The following BHLHA9 variants were observed in gnomAD, a reference collection of about 807,000 sequenced individuals.
BHLHA9 encodes class A basic helix-loop-helix protein 9.
For synonymous variants in BHLHA9, 177 were observed against 179.7 expected (o/e 0.98, Z 0.12); for missense variants, 344 against 365.9 (o/e 0.94, Z 0.49).
Position 1,270,908 on chromosome 17 carries a change from C to G in BHLHA9, c.345C>G (p.Ala115=), listed in dbSNP as rs1443338948. 4.3e-5 allele frequency: 61 copies of G among 1,423,598 alleles called. No individual in the cohort carries two copies. The highest frequency in any genetic ancestry group is 5.3e-5 in the Non-Finnish European group (58 of 1,090,094). 88.2% of individuals were successfully genotyped at this position (1,423,598 alleles called of 1,614,324 possible). A position where few individuals can be genotyped will look rare whatever the true frequency, so the allele number is the denominator to read the frequency against. ...TGCGCAGGGCCATCCACCGCATCGC[C>G]GCGCTCTCCCTGGTCCTGCGCGCCA... is the stretch of plus-strand genomic sequence containing the variant. ...ATLRRAIHRI[A]ALSLVLRASP... Residue 115 remains alanine (A), a synonymous_variant, in exon 1 of 1, where the codon GCC becomes GCG. Transcript: ENST00000391429.
chr17:1,270,480 G>GCCCCGC lies in BHLHA9; in HGVS notation c.-84_-83insCCCCGC. 1.3e-6 allele frequency: 1 copy of GCCCCGC among 786,552 alleles called. No individual in the cohort carries two copies. Among genetic ancestry groups the GCCCCGC allele is most frequent in the Non-Finnish European group, 1.7e-6 (1 of 579,184 alleles). 48.7% of individuals were successfully genotyped at this position (786,552 alleles called of 1,614,324 possible). A position where few individuals can be genotyped will look rare whatever the true frequency, so the allele number is the denominator to read the frequency against. ...GCCCCAGGAGCCGGGGACCGTCCGCGTCGCGAGCCGGGCCAAGGCAGTGGG... is the reference window on the plus strand; with the variant it reads ...GCCCCAGGAGCCGGGGACCGTCCGCGCCCCGCTCGCGAGCCGGGCCAAGGCAGTGGG... On this transcript the variant is annotated 5_prime_UTR_variant, in exon 1 of 1. Coordinates refer to ENST00000391429, the MANE Select transcript of BHLHA9 (RefSeq NM_001164405.2).
Position 1,271,269 on chromosome 17 carries a change from T to G in BHLHA9, c.706T>G (p.Ter236GlyextTer19). The change falls in exon 1 of 1, where the codon TGA becomes GGA. Residue 236 changes from the stop codon to glycine (G), a stop_lost. Transcript: ENST00000391429. ...CCCCGGGATGGGCCATCCGCGCTCC[T>G]GACCGGCCTCGAGGCACCGGCTGGG... ...SAPGMGHPRS[*>G] 1 of 1,250,300 alleles carries G rather than the reference T, an allele frequency of 8.0e-7. No individual in the cohort carries two copies. Among genetic ancestry groups the G allele is most frequent in the Non-Finnish European group, 1.0e-6 (1 of 989,702 alleles). 77.5% of individuals were successfully genotyped at this position (1,250,300 alleles called of 1,614,324 possible).
rs1413443264 is a variant in BHLHA9 at position 1,271,128 on chromosome 17, A to C, written c.565A>C (p.Ser189Arg). The C allele has an allele frequency of 8.1e-7, 1 of 1,234,028 alleles. No homozygotes were observed. The highest frequency in any genetic ancestry group is 3.2e-5 in the East Asian group (1 of 31,314). The allele number at this position is 1,234,028 out of a possible 1,614,324, so 76.4% of individuals were successfully genotyped here. ...CCCGCACGCGCCCCTGGCACGGCCC[A>C]GTGCGGTGGCCGAGGGGCCGGGCCT... The part of the protein sequence containing the change: ...CPPHAPLARP[S>R]AVAEGPGLAQ... The change falls in exon 1 of 1, where the codon AGT (serine) becomes CGT (arginine). Residue 189 changes from serine (S) to arginine (R), a missense_variant. Physicochemically the swap from Ser to Arg is moderately radical, Grantham distance 110 (BLOSUM62 -1). Transcript: ENST00000391429.
In BHLHA9 at chr17:1,271,347, C is replaced by T; in HGVS notation, c.*76C>T. The T allele has an allele frequency of 9.9e-7, 1 of 1,012,452 alleles. No individual in the cohort carries two copies. The highest frequency in any genetic ancestry group is 5.1e-5 in the South Asian group (1 of 19,654). 62.7% of individuals were successfully genotyped at this position (1,012,452 alleles called of 1,614,324 possible). A position where few individuals can be genotyped will look rare whatever the true frequency, so the allele number is the denominator to read the frequency against. On this transcript the variant is annotated 3_prime_UTR_variant, in exon 1 of 1. Transcript: ENST00000391429. ...ACTATAAAACCCGGGACTGCAAAGG[C>T]GTCTTGGACAGAGCAGAACTGGACC...
rs760142085 is a variant in BHLHA9 at position 1,271,663 on chromosome 17, G to T, written c.*392G>T. Among the ~76,000 whole-genome samples, 8 of 152,250 alleles carry T rather than the reference G, an allele frequency of 5.3e-5. No homozygotes were observed. The highest frequency in any genetic ancestry group is 1.2e-4 in the Non-Finnish European group (8 of 68,044). The stretch of plus-strand genomic sequence containing the variant: ...GGGCTTTGAGGCAGGAGGTGTGGGA[G>T]CGTGGGAATGCGGGTGGGGCCTGCT... On this transcript the variant is annotated 3_prime_UTR_variant, in exon 1 of 1. Coordinates refer to ENST00000391429, the MANE Select transcript of BHLHA9 (RefSeq NM_001164405.2).
In BHLHA9 at chr17:1,271,139, C is replaced by T. The variant is rs369764542; in HGVS notation, c.576C>T (p.Ala192=). Residue 192 remains alanine (A), a synonymous_variant, in exon 1 of 1, where the codon GCC becomes GCT. Transcript: ENST00000391429. ...CCCTGGCACGGCCCAGTGCGGTGGC[C>T]GAGGGGCCGGGCCTAGCACAGGCCT... The part of the protein sequence containing the change: ...HAPLARPSAV[A]EGPGLAQASG... 2.0e-4 allele frequency: 248 copies of T among 1,234,800 alleles called. 3 individuals are homozygous for T. In the South Asian group the frequency reaches 4.9e-3, roughly 24 times the overall value. 76.5% of individuals were successfully genotyped at this position (1,234,800 alleles called of 1,614,324 possible).
Position 1,271,079 on chromosome 17 carries a change from C to T in BHLHA9, c.516C>T (p.Ser172=). The T allele has an allele frequency of 8.2e-7, 1 of 1,216,948 alleles. No individual in the cohort carries two copies. Among genetic ancestry groups the T allele is most frequent in the Non-Finnish European group, 1.0e-6 (1 of 980,980 alleles). 75.4% of individuals were successfully genotyped at this position (1,216,948 alleles called of 1,614,324 possible). Residue 172 remains serine (S), a synonymous_variant, in exon 1 of 1, where the codon TCC becomes TCT. Transcript: ENST00000391429. Reference sequence around the variant, plus strand: ...ACGCCGCCCGCCCCTCGGTGCCGTCCGCGCCCCGCTGCGCCTCGTGCCCCC... The same window carrying T: ...ACGCCGCCCGCCCCTCGGTGCCGTCTGCGCCCCGCTGCGCCTCGTGCCCCC... ...RPDAARPSVP[S]APRCASCPPH... is the part of the protein sequence containing the mutation.
chr17:1,270,461 G>A lies in BHLHA9; in HGVS notation c.-103G>A, dbSNP rs1448202301. On this transcript the variant is annotated 5_prime_UTR_variant, in exon 1 of 1. Transcript: ENST00000391429. ...CCTGTCTCGGGAGTGTCCAGCCCCA[G>A]GAGCCGGGGACCGTCCGCGTCGCGA... 1.3e-4 allele frequency: 79 copies of A among 605,252 alleles called. No individual in the cohort carries two copies. The East Asian group carries it at 2.7e-3, about 21-fold the overall frequency. 37.5% of individuals were successfully genotyped at this position (605,252 alleles called of 1,614,324 possible). A position where few individuals can be genotyped will look rare whatever the true frequency, so the allele number is the denominator to read the frequency against.
rs1186853172 is a variant in BHLHA9, at chr17:1,271,710, T to G, written c.*439T>G. Among the ~76,000 whole-genome samples, 1 of 152,030 alleles carries G rather than the reference T, an allele frequency of 6.6e-6. No homozygotes were observed. Among genetic ancestry groups the G allele is most frequent in the African/African-American group, 2.4e-5 (1 of 41,392 alleles). On this transcript the variant is annotated 3_prime_UTR_variant, in exon 1 of 1. Transcript: ENST00000391429. ...TGCTGTGGTCTCGTGGGCACATGAGTGCGGAGTCCCCTTCCCTGCCTGCGC... is the reference window on the plus strand; with the variant it reads ...TGCTGTGGTCTCGTGGGCACATGAGGGCGGAGTCCCCTTCCCTGCCTGCGC...
At position 1,270,735 on chromosome 17, in the gene BHLHA9, G is replaced by A. The variant is rs757482734; in HGVS notation, c.172G>A (p.Ala58Thr). Residue 58 changes from alanine (A) to threonine (T), a missense_variant, in exon 1 of 1, where the codon GCG becomes ACG. Transcript: ENST00000391429. Reference protein sequence around the residue: ...EAEEPAGRRRARPVRSKARRM... With the variant: ...EAEEPAGRRRTRPVRSKARRM... ...GGAGGAGCCGGCGGGCAGGAGGCGCGCGCGGCCGGTGCGGTCCAAGGCGCG... is the reference window on the plus strand; with the variant it reads ...GGAGGAGCCGGCGGGCAGGAGGCGCACGCGGCCGGTGCGGTCCAAGGCGCG... The A allele has an allele frequency of 2.9e-6, 4 of 1,362,324 alleles. No homozygotes were observed. In the African/African-American group the frequency reaches 4.6e-5, roughly 16 times the overall value. 84.4% of individuals were successfully genotyped at this position (1,362,324 alleles called of 1,614,324 possible).
Position 1,270,822 on chromosome 17 carries a change from G to A in BHLHA9, c.259G>A (p.Ala87Thr). ...RILDYNEAFN[A>T]LRRALRHDLG... is the part of the protein sequence containing the mutation. ...CCTAGACTACAACGAGGCCTTCAAC[G>A]CGCTGCGCCGGGCGCTGCGGCACGA... Residue 87 changes from alanine to threonine, a missense_variant, in exon 1 of 1, where the codon GCG (alanine) becomes ACG (threonine). Transcript: ENST00000391429. The A allele has an allele frequency of 6.8e-7, 1 of 1,476,458 alleles. No homozygotes were observed. The allele number at this position is 1,476,458 out of a possible 1,614,324, so 91.5% of individuals were successfully genotyped here. A position where few individuals can be genotyped will look rare whatever the true frequency, so the allele number is the denominator to read the frequency against.
Position 1,270,691 on chromosome 17 carries a change from C to T in BHLHA9, c.128C>T (p.Ser43Phe). ...GGGGTGCTGGGGGCGAACGGCGCTT[C>T]CTGCAGCCGGGGCGAGGCGGAGGAG... ...DSGVLGANGA[S>F]CSRGEAEEPA... Residue 43 changes from serine (S) to phenylalanine (F), a missense_variant, in exon 1 of 1, where the codon TCC (serine) becomes TTC (phenylalanine). Physicochemically the swap from Ser to Phe is radical, Grantham distance 155. Coordinates refer to ENST00000391429, the MANE Select transcript of BHLHA9 (RefSeq NM_001164405.2). 1 of 1,325,242 alleles carries T rather than the reference C, an allele frequency of 7.5e-7. No individual in the cohort carries two copies. Among genetic ancestry groups the T allele is most frequent in the Non-Finnish European group, 9.6e-7 (1 of 1,046,710 alleles). The allele number at this position is 1,325,242 out of a possible 1,614,324, so 82.1% of individuals were successfully genotyped here.
chr17:1,271,072 T>G lies in BHLHA9; in HGVS notation c.509T>G (p.Val170Gly). ...CGCCCAGACGCCGCCCGCCCCTCGG[T>G]GCCGTCCGCGCCCCGCTGCGCCTCG... is the stretch of plus-strand genomic sequence containing the variant. ...LARPDAARPS[V>G]PSAPRCASCP... is the part of the protein sequence containing the mutation. Residue 170 changes from valine (V) to glycine (G), a missense_variant, in exon 1 of 1, where the codon GTG (valine) becomes GGG (glycine). Physicochemically the swap from Val to Gly is moderately radical, Grantham distance 109. Coordinates refer to ENST00000391429, the MANE Select transcript of BHLHA9 (RefSeq NM_001164405.2). The G allele has an allele frequency of 2.5e-6, 3 of 1,208,912 alleles. No homozygotes were observed. Among genetic ancestry groups the G allele is most frequent in the Non-Finnish European group, 3.1e-6 (3 of 976,216 alleles). 74.9% of individuals were successfully genotyped at this position (1,208,912 alleles called of 1,614,324 possible). A position where few individuals can be genotyped will look rare whatever the true frequency, so the allele number is the denominator to read the frequency against.
Position 1,271,561 on chromosome 17 carries a change from G to T in BHLHA9, c.*290G>T. On this transcript the variant is annotated 3_prime_UTR_variant, in exon 1 of 1. Transcript: ENST00000391429. ...AGGATCCTGAACTCATCTTGGACTC[G>T]AACTCGTCTTGGAATGCCGCCTTCG... 2 of 341,360 alleles carry T rather than the reference G, an allele frequency of 5.9e-6. No homozygotes were observed. The allele number at this position is 341,360 out of a possible 1,614,324, so 21.1% of individuals were successfully genotyped here.
At position 1,271,247 on chromosome 17, in the gene BHLHA9, C is replaced by G; in HGVS notation, c.684C>G (p.Pro228=). The change falls in exon 1 of 1, where the codon CCC becomes CCG. Residue 228 remains proline, a synonymous_variant. Transcript: ENST00000391429. ...PWPRGYLRSA[P]GMGHPRS ...CGCGGGGCTACCTGCGATCCGCCCC[C>G]GGGATGGGCCATCCGCGCTCCTGAC... 1.6e-6 allele frequency: 2 copies of G among 1,254,078 alleles called. No individual in the cohort carries two copies. Among genetic ancestry groups the G allele is most frequent in the Non-Finnish European group, 2.0e-6 (2 of 991,984 alleles). The allele number at this position is 1,254,078 out of a possible 1,614,324, so 77.7% of individuals were successfully genotyped here. A position where few individuals can be genotyped will look rare whatever the true frequency, so the allele number is the denominator to read the frequency against.
In BHLHA9 at chr17:1,270,887, C is replaced by G. The variant is rs2071877360; in HGVS notation, c.324C>G (p.Arg108=). 2 of 1,459,648 alleles carry G rather than the reference C, an allele frequency of 1.4e-6. No individual in the cohort carries two copies. The highest frequency in any genetic ancestry group is 1.8e-4 in the Middle Eastern group (1 of 5,448). 90.4% of individuals were successfully genotyped at this position (1,459,648 alleles called of 1,614,324 possible). Residue 108 remains arginine (R), a synonymous_variant, in exon 1 of 1, where the codon CGC becomes CGG. Transcript: ENST00000391429. The stretch of plus-strand genomic sequence containing the variant: ...GGCTCTCCAAGATCGCCACGCTGCG[C>G]AGGGCCATCCACCGCATCGCCGCGC... The part of the protein sequence containing the change: ...GKRLSKIATL[R]RAIHRIAALS...
At position 1,271,316 on chromosome 17, in the gene BHLHA9, A is replaced by C; in HGVS notation, c.*45A>C. 8.3e-7 allele frequency: 1 copy of C among 1,202,134 alleles called. No individual in the cohort carries two copies. The highest frequency in any genetic ancestry group is 1.1e-6 in the Non-Finnish European group (1 of 947,466). The allele number at this position is 1,202,134 out of a possible 1,614,324, so 74.5% of individuals were successfully genotyped here. On this transcript the variant is annotated 3_prime_UTR_variant, in exon 1 of 1. Coordinates refer to ENST00000391429, the MANE Select transcript of BHLHA9 (RefSeq NM_001164405.2). ...TGGGCTGCAGGGAGGCCGGGCTGGC[A>C]GCTGGACTATAAAACCCGGGACTGC...
In BHLHA9 at chr17:1,271,560, C is replaced by A; in HGVS notation, c.*289C>A. The A allele has an allele frequency of 5.8e-6, 2 of 342,098 alleles. No homozygotes were observed. The highest frequency in any genetic ancestry group is 5.4e-6 in the Non-Finnish European group (1 of 186,428). 21.2% of individuals were successfully genotyped at this position (342,098 alleles called of 1,614,324 possible). ...CAGGATCCTGAACTCATCTTGGACT[C>A]GAACTCGTCTTGGAATGCCGCCTTC... On this transcript the variant is annotated 3_prime_UTR_variant, in exon 1 of 1. Transcript: ENST00000391429.
rs1239647310 is a variant in BHLHA9 at position 1,271,132 on chromosome 17, C to T, written c.569C>T (p.Ala190Val). The T allele has an allele frequency of 4.9e-6, 6 of 1,233,950 alleles. No individual in the cohort carries two copies. Among genetic ancestry groups the T allele is most frequent in the Non-Finnish European group, 6.1e-6 (6 of 989,312 alleles). 76.4% of individuals were successfully genotyped at this position (1,233,950 alleles called of 1,614,324 possible). ...CACGCGCCCCTGGCACGGCCCAGTGCGGTGGCCGAGGGGCCGGGCCTAGCA... is the reference window on the plus strand; with the variant it reads ...CACGCGCCCCTGGCACGGCCCAGTGTGGTGGCCGAGGGGCCGGGCCTAGCA... ...PPHAPLARPS[A>V]VAEGPGLAQA... The change falls in exon 1 of 1, where the codon GCG becomes GTG. Residue 190 changes from alanine to valine, a missense_variant. Physicochemically the swap from Ala to Val is moderately conservative, Grantham distance 64. Transcript: ENST00000391429.
Sources: allele counts gnomAD v4.1 joint callset (sites outside exome capture counted in the v4.1 genomes callset), GRCh38; gene constraint gnomAD v4.1.1; transcripts MANE v1.5; gene names NCBI Gene and HGNC (gene_info 2026-07-23, HGNC 2026-07-21).